The following FAM227B variants were observed in gnomAD, a reference collection of about 807,000 sequenced individuals.
FAM227B encodes protein FAM227B.
FAM227B carries 88 observed loss-of-function variants against 73.8 expected under a neutral mutation model. The observed-to-expected ratio is 1.19, with a 90% CI of 1.00 to 1.42. FAM227B has a LOEUF of 1.42. FAM227B is among the 40% of genes most tolerant of loss of function. The probability of loss-of-function intolerance (pLI) is 0.00; values close to 1 mark genes in which losing one functional copy is unlikely to be tolerated. For synonymous variants in FAM227B, 210 were observed against 190.5 expected (o/e 1.10, Z -0.84); for missense variants, 632 against 590.9 (o/e 1.07, Z -0.72).
At chr15:49,558,125 T>TGGCA (rs148474062) in intron 9 of FAM227B, among the ~76,000 whole-genome samples, 8 of 70,216 alleles carry the variant, frequency 1.1e-4, no homozygotes, top group East Asian at 5.0e-4. Context: ...TAATGCCTAA[T>TGGCA]GCCCCAACTT....
chr15:49,337,456 T>G (rs1465847861), intron 13 of FAM227B, among the ~76,000 whole-genome samples: 1 of 150,798 alleles, frequency 6.6e-6, no homozygotes, highest in Non-Finnish European at 1.5e-5. Flanking sequence ...TGCTAAGCAT[T>G]TTTGCATATG....
At chr15:49,466,366 A>G (rs575231860) in intron 11 of FAM227B, among the ~76,000 whole-genome samples, 14 of 152,184 alleles carry the variant, frequency 9.2e-5, no homozygotes, top group Non-Finnish European at 1.9e-4. Context: ...GCAGGTAGAG[A>G]CTGACATTTT....
At chr15:49,485,718 C>A in intron 11 of FAM227B, 1 of 152,208 alleles carries the variant, frequency 6.6e-6, no homozygotes, top group Non-Finnish European at 1.5e-5. Context: ...CATATTCTTG[C>A]CAATTAATTG....
intron 11 of FAM227B, among the ~76,000 whole-genome samples, chr15:49,380,226 C>T (rs1416772540): frequency 6.6e-6 from 1 of 152,204 alleles, no homozygotes; most frequent in Non-Finnish European, 1.5e-5. Context: ...ACAAGCTCTT[C>T]AGTCAGTTTG....
At chr15:49,473,399 C>T (rs1195076893) in intron 11 of FAM227B, among the ~76,000 whole-genome samples, 1 of 151,966 alleles carries the variant, frequency 6.6e-6, no homozygotes, top group Non-Finnish European at 1.5e-5. Flanking sequence ...AAAATAACTC[C>T]AAAATTCGCT....
intron 11 of FAM227B, among the ~76,000 whole-genome samples, chr15:49,421,821 C>T (rs972439175): frequency 1.3e-5 from 2 of 152,122 alleles, no homozygotes; most frequent in Non-Finnish European, 2.9e-5. Context: ...ATTTTCTTTC[C>T]TCCTTCTCTT....
At chr15:49,608,991 G>A (rs1181009102) in intron 3 of FAM227B, among the ~76,000 whole-genome samples, 2 of 151,890 alleles carry the variant, frequency 1.3e-5, no homozygotes, top group Non-Finnish European at 2.9e-5. Context: ...CAAAAAGGGG[G>A]AAGATAATGT....
chr15:49,489,301 G>A (rs2056674622), intron 11 of FAM227B: 2 of 983,510 alleles, frequency 2.0e-6, no homozygotes, highest in Non-Finnish European at 1.2e-6. Flanking sequence ...CTTTCAGTGG[G>A]CATCCATTCA....
rs1349289991 is a variant in FAM227B at position 49,589,800 on chromosome 15, A to C, written c.313T>G (p.Trp105Gly). Reference sequence around the variant, plus strand: ...CTTGTCTCAGAAATCATGCTTTTCCACTTAAATATTTCAGAGGTGTGGTTT... The same window carrying C: ...CTTGTCTCAGAAATCATGCTTTTCCCCTTAAATATTTCAGAGGTGTGGTTT... Reference protein sequence around the residue: ...LQNHTSEIFKWKSMISETSSY... With the variant: ...LQNHTSEIFKGKSMISETSSY... The change falls in exon 4 of 16, where the codon TGG (tryptophan) becomes GGG (glycine). Residue 105 changes from tryptophan to glycine, a missense_variant. Coordinates refer to ENST00000299338, the MANE Select transcript of FAM227B (RefSeq NM_152647.3). The C allele has an allele frequency of 6.3e-7, 1 of 1,589,566 alleles. No individual in the cohort carries two copies. Among genetic ancestry groups the C allele is most frequent in the African/African-American group, 1.3e-5 (1 of 74,298 alleles).
chr15:49,436,031 T>C (rs2051071548), intron 11 of FAM227B, among the ~76,000 whole-genome samples: 1 of 151,526 alleles, frequency 6.6e-6, no homozygotes, highest in Non-Finnish European at 1.5e-5. Flanking sequence ...GCTGTAAGCT[T>C]GCAATTACAC....
At chr15:49,376,345 A>G (rs994565085) in intron 11 of FAM227B, among the ~76,000 whole-genome samples, 1 of 152,006 alleles carries the variant, frequency 6.6e-6, no homozygotes, top group Non-Finnish European at 1.5e-5. Context: ...GTAGGTGAAT[A>G]CCCCAGTTGT....
At chr15:49,545,640 T>C (rs918889501) in intron 9 of FAM227B, among the ~76,000 whole-genome samples, 4 of 152,172 alleles carry the variant, frequency 2.6e-5, no homozygotes, top group Non-Finnish European at 1.5e-5. Flanking sequence ...GCTATGAACT[T>C]TCCTCTTAGC....
At chr15:49,365,936 C>T in intron 13 of FAM227B, 1 of 955,540 alleles carries the variant, frequency 1.0e-6, no homozygotes, top group South Asian at 1.3e-5. Flanking sequence ...CAGAAAATTG[C>T]TATCATAACA....
intron 11 of FAM227B, among the ~76,000 whole-genome samples, chr15:49,482,157 T>G (rs1296669371): frequency 6.6e-6 from 1 of 152,128 alleles, no homozygotes; most frequent in Non-Finnish European, 1.5e-5. Flanking sequence ...TGTACCTTCA[T>G]GTAGAAAATG....
intron 12 of FAM227B, among the ~76,000 whole-genome samples, chr15:49,370,845 GAA>G (rs1384693204): frequency 6.6e-6 from 1 of 152,172 alleles, no homozygotes. Flanking sequence ...AGAATGTCGA[GAA>G]ACTAAGCATT....
At chr15:49,539,077 T>A (rs1220316379) in intron 10 of FAM227B, among the ~76,000 whole-genome samples, 1 of 152,118 alleles carries the variant, frequency 6.6e-6, no homozygotes, top group East Asian at 1.9e-4. Flanking sequence ...ATTTACATGC[T>A]GGTTTTGGTG....
intron 11 of FAM227B, among the ~76,000 whole-genome samples, chr15:49,391,997 G>A (rs1006237549): frequency 6.6e-6 from 1 of 152,060 alleles, no homozygotes; most frequent in African/African-American, 2.4e-5. Context: ...AGACCCACAT[G>A]TGGTTTAGTA....
At chr15:49,396,076 C>G (rs1454071550) in intron 11 of FAM227B, 1 of 443,988 alleles carries the variant, frequency 2.3e-6, no homozygotes, top group Non-Finnish European at 4.5e-6. Flanking sequence ...GCATTTCCAT[C>G]TGAGGTACCA....
At chr15:49,418,084 T>C (rs1375410671) in intron 11 of FAM227B, among the ~76,000 whole-genome samples, 2 of 152,126 alleles carry the variant, frequency 1.3e-5, no homozygotes, top group African/African-American at 4.8e-5. Flanking sequence ...TGCTAATCAT[T>C]AGAGAAATGC....
Sources: gnomAD v4.1 joint callset for allele counts (sites outside exome capture counted in the v4.1 genomes callset) on GRCh38, gnomAD v4.1.1 for gene constraint, MANE v1.5 for transcripts, NCBI Gene and HGNC (gene_info 2026-07-23, HGNC 2026-07-21) for gene names.